NDE1: variants seen among roughly 807,000 people sequenced by gnomAD.
NDE1 encodes nudE neurodevelopment protein 1.
In NDE1, 28 loss-of-function variants were observed where a neutral mutation model predicts 43.4. That is an observed-to-expected ratio of 0.65 (90% CI 0.48 to 0.89). The LOEUF (loss-of-function observed/expected upper bound fraction) is 0.89. Ranked by LOEUF, NDE1 falls within the 40% of genes least tolerant of loss-of-function variation. NDE1 has a pLI of 0.00. For synonymous variants in NDE1, 184 were observed against 172.0 expected (o/e 1.07, Z -0.55); for missense variants, 441 against 434.1 (o/e 1.02, Z -0.14).
At chr16:15,711,927 A>C (rs1280985145) in intron 8 of NDE1, among the ~76,000 whole-genome samples, 1 of 152,190 alleles carries the variant, frequency 6.6e-6, no homozygotes, top group Non-Finnish European at 1.5e-5. Flanking sequence ...TCCTGACCTC[A>C]GGTGATCAGC....
At chr16:15,710,843 G>A (rs1321932318) in intron 8 of NDE1, among the ~76,000 whole-genome samples, 2 of 152,050 alleles carry the variant, frequency 1.3e-5, no homozygotes. Flanking sequence ...ACGCCTAGCT[G>A]ATTTTTGTGT....
intron 8 of NDE1, chr16:15,717,775 C>T (rs1003665738): frequency 9.4e-5 from 26 of 276,490 alleles, no homozygotes; most frequent in African/African-American, 5.7e-4. Flanking sequence ...CAGCCTGGGC[C>T]ACAGAGAGAC....
At chr16:15,666,946 A>T (rs1596564144) in intron 2 of NDE1, among the ~76,000 whole-genome samples, 1 of 152,122 alleles carries the variant, frequency 6.6e-6, no homozygotes, top group Admixed American at 6.6e-5. Flanking sequence ...TGATATTTTT[A>T]AAATATTCCT....
intron 8 of NDE1, among the ~76,000 whole-genome samples, chr16:15,708,246 G>T (rs1203871901): frequency 6.6e-6 from 1 of 152,178 alleles, no homozygotes; most frequent in Non-Finnish European, 1.5e-5. Flanking sequence ...CATTTCCTTC[G>T]CAGACAAGCC....
intron 8 of NDE1, chr16:15,718,339 G>A: frequency 6.2e-7 from 1 of 1,609,094 alleles, no homozygotes; most frequent in Non-Finnish European, 8.5e-7. Flanking sequence ...TGCGGACCCG[G>A]TCGCTCATGG....
intron 8 of NDE1, among the ~76,000 whole-genome samples, chr16:15,716,375 A>G (rs2040139385): frequency 2.0e-5 from 3 of 152,220 alleles, no homozygotes; most frequent in East Asian, 1.9e-4. Flanking sequence ...TGAAAAAGCT[A>G]CTAGAAGAGA....
chr16:15,677,180 AGAAG>A (rs1269538598), intron 3 of NDE1, among the ~76,000 whole-genome samples: 1 of 151,732 alleles, frequency 6.6e-6, no homozygotes, highest in Non-Finnish European at 1.5e-5. Context: ...AGCTCTGGAG[AGAAG>A]GTTCTGTTGA....
chr16:15,717,529 G>A (rs556856446), intron 8 of NDE1: 146 of 642,528 alleles, frequency 2.3e-4, no homozygotes, highest in Non-Finnish European at 3.4e-4. Context: ...GCGTGGTGGC[G>A]CACGCCTGTA....
intron 3 of NDE1, among the ~76,000 whole-genome samples, chr16:15,677,414 G>A (rs1236590579): frequency 6.6e-6 from 1 of 151,854 alleles, no homozygotes; most frequent in Non-Finnish European, 1.5e-5. Context: ...GGTAAAACCC[G>A]GTCTCTACTA....
At chr16:15,685,954 T>C (rs553122213) in intron 4 of NDE1, among the ~76,000 whole-genome samples, 272 of 132,958 alleles carry the variant, frequency 2.0e-3, no homozygotes, top group Middle Eastern at 4.0e-3. Context: ...TCCTGTAGGA[T>C]TTTTTTTTTT....
Position 15,678,555 on chromosome 16 carries a change from G to A in NDE1, c.386+606G>A, listed in dbSNP as rs1199911601. ...AATTTTTGTATCTTTAGTAGGGATG[G>A]GCTCTTGCCATGTTGGCCAGGCTGG... is the stretch of plus-strand genomic sequence containing the variant. On this transcript the variant is annotated intron_variant, in intron 4 of 8. Transcript: ENST00000396354. 5.9e-5 allele frequency among the ~76,000 whole-genome samples: 9 copies of A among 152,104 alleles called. No homozygotes were observed. The East Asian group carries it at 1.7e-3, about 30-fold the overall frequency.
intron 1 of NDE1, among the ~76,000 whole-genome samples, chr16:15,663,027 G>A (rs1360225921): frequency 1.3e-5 from 2 of 152,054 alleles, no homozygotes; most frequent in Non-Finnish European, 2.9e-5. Flanking sequence ...TTCTCCAATG[G>A]TTTCCCATTG....
rs1414685569 is a variant in NDE1 at position 15,665,257 on chromosome 16, A to G, written c.83+396A>G. Among the ~76,000 whole-genome samples the G allele has an allele frequency of 2.0e-5, 3 of 152,148 alleles. No individual in the cohort carries two copies. The East Asian group carries it at 5.8e-4, about 29-fold the overall frequency. ...CAGTGTGAAAGGCTTAACTTACACT[A>G]TCTCAAAACTGCCTGTGAAAAAACT... On this transcript the variant is annotated intron_variant, in intron 2 of 8. Transcript: ENST00000396354.
chr16:15,721,416 A>G lies in NDE1; in HGVS notation c.948-2775A>G, dbSNP rs780638340. 6.2e-7 allele frequency: 1 copy of G among 1,614,020 alleles called. No individual in the cohort carries two copies. Among genetic ancestry groups the G allele is most frequent in the African/African-American group, 1.3e-5 (1 of 75,058 alleles). ...TGGACGAGAAAAACCACCCAGAGCCACTTACGTTCTTGCCCACGTCATCCT... is the reference window on the plus strand; with the variant it reads ...TGGACGAGAAAAACCACCCAGAGCCGCTTACGTTCTTGCCCACGTCATCCT... On this transcript the variant is annotated intron_variant, in intron 8 of 8. Transcript: ENST00000396354.
chr16:15,716,303 A>G (rs547699495), intron 8 of NDE1, among the ~76,000 whole-genome samples: 1 of 152,240 alleles, frequency 6.6e-6, no homozygotes, highest in Non-Finnish European at 1.5e-5. Flanking sequence ...ATGTTTGTGA[A>G]TATATGAATA....
intron 8 of NDE1, chr16:15,718,232 G>A (rs972971097): frequency 3.8e-6 from 6 of 1,596,092 alleles, no homozygotes; most frequent in Non-Finnish European, 4.2e-6. Flanking sequence ...ACAGGAAGCC[G>A]CCACGCGTGT....
chr16:15,688,056 G>T (rs1027149541), intron 5 of NDE1, among the ~76,000 whole-genome samples: 1 of 152,138 alleles, frequency 6.6e-6, no homozygotes, highest in Non-Finnish European at 1.5e-5. Flanking sequence ...TGTGCCTGTA[G>T]TCCCAGCTAC....
rs760024 is a variant in NDE1 at position 15,725,164 on chromosome 16, A to C, written c.*913A>C. 0.042 allele frequency: 26,962 copies of C among 641,856 alleles called. 1,947 individuals are homozygous for C. The highest frequency in any genetic ancestry group is 0.25 in the African/African-American group (13,631 of 53,588). 39.8% of individuals were successfully genotyped at this position (641,856 alleles called of 1,614,324 possible). A position where few individuals can be genotyped will look rare whatever the true frequency, so the allele number is the denominator to read the frequency against. On this transcript the variant is annotated 3_prime_UTR_variant, in exon 9 of 9. Transcript: ENST00000396354. Reference sequence around the variant, plus strand: ...AAAAAAAAAAACACACACACACACAAAAAAAACAGAATCTGTGGCTTGAAG... The same window carrying C: ...AAAAAAAAAAACACACACACACACACAAAAAACAGAATCTGTGGCTTGAAG...
rs777573654 is a variant in NDE1 at position 15,696,840 on chromosome 16, C to T, written c.927C>T (p.Ser309=). The T allele has an allele frequency of 8.7e-6, 14 of 1,614,140 alleles. No individual in the cohort carries two copies. Among genetic ancestry groups the T allele is most frequent in the East Asian group, 2.2e-5 (1 of 44,858 alleles). Residue 309 remains serine (S), a synonymous_variant, in exon 8 of 9, where the codon AGC becomes AGT. Coordinates refer to ENST00000396354, the MANE Select transcript of NDE1 (RefSeq NM_017668.3). ...GGGAGAGACGGCCAAGCAGCACCAGCGTGCCTTTGGGTGATAAGGGGTCAG... is the reference window on the plus strand; with the variant it reads ...GGGAGAGACGGCCAAGCAGCACCAGTGTGCCTTTGGGTGATAAGGGGTCAG... ...DGGERRPSST[S]VPLGDKGLDT...
Sources: allele counts gnomAD v4.1 joint callset (sites outside exome capture counted in the v4.1 genomes callset), GRCh38; gene constraint gnomAD v4.1.1; transcripts MANE v1.5; gene names NCBI Gene and HGNC (gene_info 2026-07-23, HGNC 2026-07-21).